ZAR1: variants seen among roughly 807,000 people sequenced by gnomAD.
ZAR1 encodes the protein zygote arrest 1.
ZAR1 carries 37 observed loss-of-function variants against 38.3 expected under a neutral mutation model. That is an observed-to-expected ratio of 0.97 (90% CI 0.74 to 1.27). The LOEUF (loss-of-function observed/expected upper bound fraction) is 1.27, where lower values mean the gene tolerates loss of function less well. Among genes scored for constraint, ZAR1 ranks in the 50% most tolerant of loss-of-function variants. ZAR1 has a pLI of 0.00. For missense variants in ZAR1, 651 were observed against 632.4 expected (o/e 1.03, Z -0.32); for synonymous variants, 336 against 292.0 (o/e 1.15, Z -1.53).
chr4:48,494,716 C>T (rs1301330565), downstream of ZAR1, among the ~76,000 whole-genome samples: 1 of 151,758 alleles, frequency 6.6e-6, no homozygotes, highest in Non-Finnish European at 1.5e-5. Context: ...CTAGCTGTAA[C>T]ATTAAGGCAT....
Position 48,490,769 on chromosome 4 carries a change from C to T in ZAR1, c.478C>T (p.Leu160=), listed in dbSNP as rs774116026. 2.7e-6 allele frequency: 4 copies of T among 1,474,482 alleles called. No homozygotes were observed. In the African/African-American group the frequency reaches 5.8e-5, roughly 21 times the overall value. 91.3% of individuals were successfully genotyped at this position (1,474,482 alleles called of 1,614,324 possible). A position where few individuals can be genotyped will look rare whatever the true frequency, so the allele number is the denominator to read the frequency against. Residue 160 remains leucine, a synonymous_variant, in exon 1 of 4, where the codon CTG becomes TTG. Coordinates refer to ENST00000327939, the MANE Select transcript of ZAR1 (RefSeq NM_175619.3). ...SFSQQPSRRG[L]EQGSPQNGAP... ...CTCCCAGCAGCCATCCCGTCGAGGCCTGGAGCAGGGCAGCCCCCAGAACGG... is the reference window on the plus strand; with the variant it reads ...CTCCCAGCAGCCATCCCGTCGAGGCTTGGAGCAGGGCAGCCCCCAGAACGG...
At position 48,490,979 on chromosome 4, in the gene ZAR1, A is replaced by T; in HGVS notation, c.688A>T (p.Thr230Ser). 1 of 1,357,096 alleles carries T rather than the reference A, an allele frequency of 7.4e-7. No homozygotes were observed. The highest frequency in any genetic ancestry group is 9.4e-7 in the Non-Finnish European group (1 of 1,061,252). 84.1% of individuals were successfully genotyped at this position (1,357,096 alleles called of 1,614,324 possible). The change falls in exon 1 of 4, where the codon ACG (threonine) becomes TCG (serine). Residue 230 changes from threonine to serine, a missense_variant. Physicochemically the swap from Thr to Ser is moderately conservative, Grantham distance 58 (BLOSUM62 1). Around this residue, in one of 2 missense-constraint regions of ZAR1, gnomAD observed 522 missense variants for 459.9 expected, o/e 1.14. Transcript: ENST00000327939. ...AGGCCCAGAGGAGGGGGAGGTGTGG[A>T]CGAAGAAGGCGCCCCGGCGGCCGCA... ...LQGPEEGEVW[T>S]KKAPRRPQSD...
chr4:48,490,717 C>G lies in ZAR1; in HGVS notation c.426C>G (p.Ala142=). The change falls in exon 1 of 4, where the codon GCC becomes GCG. Residue 142 remains alanine, a synonymous_variant. Coordinates refer to ENST00000327939, the MANE Select transcript of ZAR1 (RefSeq NM_175619.3). ...CCGAGTCCCCGGCCGGCCCCGGGGCCGAGGGCACCACGGGTGGCGGCTCTT... is the reference window on the plus strand; with the variant it reads ...CCGAGTCCCCGGCCGGCCCCGGGGCGGAGGGCACCACGGGTGGCGGCTCTT... The part of the protein sequence containing the change: ...RDPESPAGPG[A]EGTTGGGSFS... 1 of 1,345,922 alleles carries G rather than the reference C, an allele frequency of 7.4e-7. No individual in the cohort carries two copies. The highest frequency in any genetic ancestry group is 1.5e-5 in the African/African-American group (1 of 65,800). 83.4% of individuals were successfully genotyped at this position (1,345,922 alleles called of 1,614,324 possible).
downstream of ZAR1, among the ~76,000 whole-genome samples, chr4:48,496,397 ATGAG>A (rs1038883456): frequency 1.8e-4 from 26 of 146,324 alleles, no homozygotes; most frequent in African/African-American, 6.6e-4. Context: ...TGCTCAATGA[ATGAG>A]TGAATTACAT....
At chr4:48,492,899 G>T (rs376414716) in intron 2 of ZAR1, 39 bp from the exon 3 acceptor site, 1 of 1,614,050 alleles carries the variant, frequency 6.2e-7, no homozygotes, top group Non-Finnish European at 8.5e-7. Flanking sequence ...TGCTGAAAGT[G>T]TCAAGGCGAT....
rs1255491407 is a variant in ZAR1, at chr4:48,494,228, T to A, written c.1259T>A (p.Phe420Tyr). 1 of 1,614,046 alleles carries A rather than the reference T, an allele frequency of 6.2e-7. No individual in the cohort carries two copies. Among genetic ancestry groups the A allele is most frequent in the Non-Finnish European group, 8.5e-7 (1 of 1,180,032 alleles). Reference sequence around the variant, plus strand: ...CTGTCCTGTGACAGCACTTTCAGCTTCAAATACATCATTTAGGTGAAAGTC... The same window carrying A: ...CTGTCCTGTGACAGCACTTTCAGCTACAAATACATCATTTAGGTGAAAGTC... ...KRLSCDSTFS[F>Y]KYII The change falls in exon 4 of 4, where the codon TTC (phenylalanine) becomes TAC (tyrosine). Residue 420 changes from phenylalanine to tyrosine, a missense_variant. Phe to Tyr is a conservative substitution (Grantham distance 22). This residue lies in a region of ZAR1 where 129 missense variants were observed against 172.5 expected (regional missense o/e 0.75). Coordinates refer to ENST00000327939, the MANE Select transcript of ZAR1 (RefSeq NM_175619.3).
At chr4:48,497,539 CATTCTTT>C (rs1364393305), downstream of ZAR1, 15 of 152,622 alleles carry the variant, frequency 9.8e-5, no homozygotes, top group African/African-American at 3.6e-4. Context: ...TGTAATCATT[CATTCTTT>C]GTTAAAATAC....
chr4:48,490,345 C>A lies in ZAR1; in HGVS notation c.54C>A (p.Pro18=). 1 of 1,514,182 alleles carries A rather than the reference C, an allele frequency of 6.6e-7. No individual in the cohort carries two copies. The highest frequency in any genetic ancestry group is 1.4e-5 in the African/African-American group (1 of 69,442). The allele number at this position is 1,514,182 out of a possible 1,614,324, so 93.8% of individuals were successfully genotyped here. ...ACGGTTACGTGTTCCCGGCGTGCCCCCCCTGCTCGTACCGGTACCCATACC... is the reference window on the plus strand; with the variant it reads ...ACGGTTACGTGTTCCCGGCGTGCCCACCCTGCTCGTACCGGTACCCATACC... The part of the protein sequence containing the change: ...VLDGYVFPAC[P]PCSYRYPYPA... Residue 18 remains proline (P), a synonymous_variant, in exon 1 of 4, where the codon CCC becomes CCA. Coordinates refer to ENST00000327939, the MANE Select transcript of ZAR1 (RefSeq NM_175619.3).
rs1718434128 is a variant in ZAR1 at position 48,491,272 on chromosome 4, C to G, written c.963+18C>G. 6 of 1,231,376 alleles carry G rather than the reference C, an allele frequency of 4.9e-6. No individual in the cohort carries two copies. Among genetic ancestry groups the G allele is most frequent in the Non-Finnish European group, 6.1e-6 (6 of 987,728 alleles). The allele number at this position is 1,231,376 out of a possible 1,614,324, so 76.3% of individuals were successfully genotyped here. A position where few individuals can be genotyped will look rare whatever the true frequency, so the allele number is the denominator to read the frequency against. On this transcript the variant is annotated intron_variant, in intron 1 of 3. Transcript: ENST00000327939. ...GCTTCCAGGTAAAGCCTAGGGCGGT[C>G]AGGGCACAGGGGAGCCCGGGGGTGC... is the stretch of plus-strand genomic sequence containing the variant.
In ZAR1 at chr4:48,490,318, G is replaced by A. The variant is rs754918784; in HGVS notation, c.27G>A (p.Leu9=). Residue 9 remains leucine, a synonymous_variant, in exon 1 of 4, where the codon CTG becomes CTA. Coordinates refer to ENST00000327939, the MANE Select transcript of ZAR1 (RefSeq NM_175619.3). ...TGGCGGCCCTGGGGGACGAGGTGCT[G>A]GACGGTTACGTGTTCCCGGCGTGCC... MAALGDEV[L]DGYVFPACPP... 11 of 1,512,298 alleles carry A rather than the reference G, an allele frequency of 7.3e-6. No homozygotes were observed. The highest frequency in any genetic ancestry group is 3.4e-4 in the Middle Eastern group (2 of 5,924). 93.7% of individuals were successfully genotyped at this position (1,512,298 alleles called of 1,614,324 possible).
chr4:48,494,459 G>T (rs1335242330), downstream of ZAR1: 10 of 580,782 alleles, frequency 1.7e-5, no homozygotes, highest in Non-Finnish European at 2.6e-5. Flanking sequence ...CTAACAGTCT[G>T]GGCCTGTCAC....
At chr4:48,493,152 T>C (rs1718492269) in intron 3 of ZAR1, 140 bp downstream of exon 3, 1 of 714,792 alleles carries the variant, frequency 1.4e-6, no homozygotes, top group Non-Finnish European at 2.3e-6. Flanking sequence ...GTAGAAACAA[T>C]ACTCAGCTGG....
In ZAR1 at chr4:48,490,619, G is replaced by A. The variant is rs1178707185; in HGVS notation, c.328G>A (p.Val110Met). Reference sequence around the variant, plus strand: ...CGGCAGCTGCGACGTGGCGGTGCAGGTGAGCCCGCGCATCGACGCCGCGGT... The same window carrying A: ...CGGCAGCTGCGACGTGGCGGTGCAGATGAGCCCGCGCATCGACGCCGCGGT... ...RAGSCDVAVQ[V>M]SPRIDAAVQC... Residue 110 changes from valine to methionine, a missense_variant, in exon 1 of 4, where the codon GTG (valine) becomes ATG (methionine). Physicochemically the swap from Val to Met is conservative, Grantham distance 21. This residue lies in a region of ZAR1 where 522 missense variants were observed against 459.9 expected (regional missense o/e 1.14). Coordinates refer to ENST00000327939, the MANE Select transcript of ZAR1 (RefSeq NM_175619.3). 3.6e-5 allele frequency: 49 copies of A among 1,363,546 alleles called. No homozygotes were observed. Among genetic ancestry groups the A allele is most frequent in the Non-Finnish European group, 4.1e-5 (44 of 1,068,730 alleles). The allele number at this position is 1,363,546 out of a possible 1,614,324, so 84.5% of individuals were successfully genotyped here.
At chr4:48,494,717 A>AT (rs1718540130), downstream of ZAR1, among the ~76,000 whole-genome samples, 1 of 152,006 alleles carries the variant, frequency 6.6e-6, no homozygotes, top group Non-Finnish European at 1.5e-5. Context: ...TAGCTGTAAC[A>AT]TTAAGGCATT....
Position 48,490,821 on chromosome 4 carries a change from G to T in ZAR1, c.530G>T (p.Arg177Leu), listed in dbSNP as rs1718410616. The T allele has an allele frequency of 1.3e-6, 2 of 1,507,190 alleles. No individual in the cohort carries two copies. Among genetic ancestry groups the T allele is most frequent in the South Asian group, 1.2e-5 (1 of 80,758 alleles). 93.4% of individuals were successfully genotyped at this position (1,507,190 alleles called of 1,614,324 possible). ...GCCCCGCGGCCCATGCGCTTCCCGC[G>T]CACCGTCGCCGTGTACTCGCCCCTG... Reference protein sequence around the residue: ...NGAPRPMRFPRTVAVYSPLAL... With the variant: ...NGAPRPMRFPLTVAVYSPLAL... The change falls in exon 1 of 4, where the codon CGC becomes CTC. Residue 177 changes from arginine (R) to leucine (L), a missense_variant. Arg to Leu is a moderately radical substitution (Grantham distance 102). Coordinates refer to ENST00000327939, the MANE Select transcript of ZAR1 (RefSeq NM_175619.3).
At chr4:48,492,879 G>A (rs748552167) in intron 2 of ZAR1, 21 bp downstream of exon 2, 4 of 1,613,806 alleles carry the variant, frequency 2.5e-6, no homozygotes, top group Non-Finnish European at 3.4e-6. Context: ...CCAGGTAACT[G>A]GCATCTTCTT....
At chr4:48,492,150 GAGC>G (rs527643578) in intron 1 of ZAR1, among the ~76,000 whole-genome samples, 169 of 152,334 alleles carry the variant, frequency 1.1e-3, no homozygotes, top group Non-Finnish European at 1.9e-3. Context: ...TCTCACAGGT[GAGC>G]AGACTGAATT....
chr4:48,497,577 A>G (rs1247661232), downstream of ZAR1: 1 of 152,626 alleles, frequency 6.6e-6, no homozygotes, highest in Admixed American at 6.5e-5. Flanking sequence ...AACAGCTACA[A>G]TGCTTTTTAT....
Position 48,490,609 on chromosome 4 carries a change from G to A in ZAR1, c.318G>A (p.Val106=), listed in dbSNP as rs1718399458. 1.5e-6 allele frequency: 2 copies of A among 1,375,724 alleles called. No individual in the cohort carries two copies. The highest frequency in any genetic ancestry group is 1.9e-6 in the Non-Finnish European group (2 of 1,075,482). The allele number at this position is 1,375,724 out of a possible 1,614,324, so 85.2% of individuals were successfully genotyped here. A position where few individuals can be genotyped will look rare whatever the true frequency, so the allele number is the denominator to read the frequency against. ...PRARRAGSCD[V]AVQVSPRIDA... ...CCCGCAGGGCCGGCAGCTGCGACGT[G>A]GCGGTGCAGGTGAGCCCGCGCATCG... Residue 106 remains valine, a synonymous_variant, in exon 1 of 4, where the codon GTG becomes GTA. Transcript: ENST00000327939.
Sources: allele counts gnomAD v4.1 joint callset (sites outside exome capture counted in the v4.1 genomes callset), GRCh38; gene constraint gnomAD v4.1.1; regional missense constraint gnomAD v4.1.1; transcripts MANE v1.5; gene names NCBI Gene and HGNC (gene_info 2026-07-23, HGNC 2026-07-21).